The following PDZD2 variants were observed in gnomAD, a reference collection of about 807,000 sequenced individuals.
PDZD2 encodes the protein PDZ domain-containing protein 2.
PDZD2 carries 90 observed loss-of-function variants against 220.7 expected under a neutral mutation model. The observed-to-expected ratio is 0.41, with a 90% CI of 0.34 to 0.49. The LOEUF is 0.49. Among genes scored for constraint, PDZD2 ranks in the 20% least tolerant of loss-of-function variants. The pLI is 0.28. For missense variants in PDZD2, 3,174 were observed against 3,608.5 expected (o/e 0.88, Z 3.08); for synonymous variants, 1,375 against 1,450.5 (o/e 0.95, Z 1.18).
intron 24 of PDZD2, chr5:32,103,995 G>C (rs1174362783): frequency 6.6e-6 from 1 of 152,278 alleles, no homozygotes; most frequent in East Asian, 1.9e-4. Flanking sequence ...CAGTCCCACA[G>C]ACTAGCGCTT....
intron 3 of PDZD2, among the ~76,000 whole-genome samples, chr5:31,992,504 A>G (rs1250697951): frequency 6.6e-6 from 1 of 152,190 alleles, no homozygotes; most frequent in Non-Finnish European, 1.5e-5. Flanking sequence ...GTTTCTTGTC[A>G]CATGTCCTAC....
intron 1 of PDZD2, among the ~76,000 whole-genome samples, chr5:31,732,357 A>G (rs1410725324): frequency 6.6e-6 from 1 of 152,194 alleles, no homozygotes; most frequent in African/African-American, 2.4e-5. Context: ...TGTCCTATCC[A>G]TGAGCTTTTT....
chr5:31,650,302 G>A (rs1038332152), intron 1 of PDZD2, among the ~76,000 whole-genome samples: 1 of 152,144 alleles, frequency 6.6e-6, no homozygotes, highest in Non-Finnish European at 1.5e-5. Context: ...GAAAGGCTAA[G>A]TGACTTGACT....
At chr5:32,068,004 T>G (rs2112372638) in intron 14 of PDZD2, among the ~76,000 whole-genome samples, 1 of 152,292 alleles carries the variant, frequency 6.6e-6, no homozygotes, top group East Asian at 1.9e-4. Flanking sequence ...CATTAATGAC[T>G]GAAAAAAATT....
rs573624038 is a variant in PDZD2 at position 31,931,209 on chromosome 5, G to A, written c.477-51946G>A. Among the ~76,000 whole-genome samples the A allele has an allele frequency of 1.1e-4, 17 of 152,302 alleles. No individual in the cohort carries two copies. In the South Asian group the frequency reaches 3.3e-3, roughly 30 times the overall value. Reference sequence around the variant, plus strand: ...GGCTAATTTTTGTATTTTTAGTAGAGATGGGGTTTCACCATGTTGGCCAGG... The same window carrying A: ...GGCTAATTTTTGTATTTTTAGTAGAAATGGGGTTTCACCATGTTGGCCAGG... On this transcript the variant is annotated intron_variant, in intron 2 of 24. Transcript: ENST00000438447.
chr5:31,750,328 T>G (rs1323378622), intron 1 of PDZD2, among the ~76,000 whole-genome samples: 1 of 152,198 alleles, frequency 6.6e-6, no homozygotes, highest in Non-Finnish European at 1.5e-5. Flanking sequence ...ACATCCTCCT[T>G]TCTGAGTTCT....
At chr5:32,055,982 T>C (rs1243115782) in intron 10 of PDZD2, among the ~76,000 whole-genome samples, 1 of 152,234 alleles carries the variant, frequency 6.6e-6, no homozygotes, top group Non-Finnish European at 1.5e-5. Context: ...GAAAGGTTAA[T>C]AGCACTTGAT....
chr5:31,872,995 A>G (rs762163247), intron 2 of PDZD2, among the ~76,000 whole-genome samples: 8 of 152,148 alleles, frequency 5.3e-5, no homozygotes, highest in South Asian at 2.1e-4. Flanking sequence ...TATATAAATA[A>G]TCTAGTTTTG....
intron 1 of PDZD2, chr5:31,657,178 C>T (rs1476759066): frequency 6.6e-6 from 1 of 152,196 alleles, no homozygotes; most frequent in Admixed American, 6.5e-5. Flanking sequence ...GTTACTAGAC[C>T]TGTACATCAT....
At chr5:32,079,026 AG>A (rs1007627806) in intron 19 of PDZD2, among the ~76,000 whole-genome samples, 2 of 151,602 alleles carry the variant, frequency 1.3e-5, no homozygotes, top group Non-Finnish European at 2.9e-5. Flanking sequence ...TGGGATGCCA[AG>A]GGGGGGCCGA....
chr5:31,982,668 ATTG>A (rs1372798548), intron 2 of PDZD2, among the ~76,000 whole-genome samples: 6 of 152,086 alleles, frequency 3.9e-5, no homozygotes, highest in African/African-American at 9.7e-5. Context: ...ATAGGCTCCC[ATTG>A]TTGTGCTGTT....
At chr5:31,967,721 G>A (rs1186631151) in intron 2 of PDZD2, among the ~76,000 whole-genome samples, 2 of 152,188 alleles carry the variant, frequency 1.3e-5, no homozygotes, top group African/African-American at 2.4e-5. Context: ...TGGCAGGGCT[G>A]AAGACTTGGG....
At chr5:32,080,569 GT>G (rs1375082637) in intron 19 of PDZD2, among the ~76,000 whole-genome samples, 4 of 151,986 alleles carry the variant, frequency 2.6e-5, no homozygotes, top group Admixed American at 6.6e-5. Flanking sequence ...CAAAGGGTTG[GT>G]TTTTTTCACT....
chr5:31,875,953 C>A (rs1396137696), intron 2 of PDZD2, among the ~76,000 whole-genome samples: 2 of 151,892 alleles, frequency 1.3e-5, no homozygotes, highest in African/African-American at 2.4e-5. Context: ...ATTCTCAGTT[C>A]TTCCCCTATA....
intron 2 of PDZD2, among the ~76,000 whole-genome samples, chr5:31,866,903 A>G (rs1738279128): frequency 1.3e-5 from 2 of 152,336 alleles, no homozygotes; most frequent in East Asian, 3.9e-4. Flanking sequence ...AGGAACTGAA[A>G]TAATAGAATT....
At chr5:31,885,158 C>CAAAA (rs397978491) in intron 2 of PDZD2, among the ~76,000 whole-genome samples, 1 of 105,260 alleles carries the variant, frequency 9.5e-6, no homozygotes, top group Non-Finnish European at 2.0e-5. Flanking sequence ...GTGCAAACGG[C>CAAAA]AAAAAAAAAA....
chr5:31,718,468 A>G (rs1748585436), intron 1 of PDZD2, among the ~76,000 whole-genome samples: 1 of 152,190 alleles, frequency 6.6e-6, no homozygotes, highest in Non-Finnish European at 1.5e-5. Context: ...GTGTGGCTGA[A>G]CAACAGACAT....
rs544771254 is a variant in PDZD2 at position 31,736,867 on chromosome 5, T to C, written c.-360-62022T>C. On this transcript the variant is annotated intron_variant, in intron 1 of 24. Transcript: ENST00000438447. ...CGGAGTTCACACAGGATCTGAGATC[T>C]GGTGGTTTAAATGTGTGTGGCACCT... is the stretch of plus-strand genomic sequence containing the variant. Among the ~76,000 whole-genome samples, 39 of 152,260 alleles carry C rather than the reference T, an allele frequency of 2.6e-4. No individual in the cohort carries two copies. In the South Asian group the frequency reaches 8.1e-3, roughly 32 times the overall value.
intron 2 of PDZD2, among the ~76,000 whole-genome samples, chr5:31,954,355 A>G (rs2111637691): frequency 6.6e-6 from 1 of 152,362 alleles, no homozygotes; most frequent in Non-Finnish European, 1.5e-5. Flanking sequence ...CTTTCCTCAC[A>G]GTGATTCATA....
Sources: allele counts gnomAD v4.1 joint callset (sites outside exome capture counted in the v4.1 genomes callset), GRCh38; gene constraint gnomAD v4.1.1; transcripts MANE v1.5; gene names NCBI Gene and HGNC (gene_info 2026-07-23, HGNC 2026-07-21).